The following CORIN variants were observed in gnomAD, a reference collection of about 807,000 sequenced individuals.
The protein encoded by CORIN is corin, serine peptidase.
CORIN carries 117 observed loss-of-function variants against 125.3 expected under a neutral mutation model. That is an observed-to-expected ratio of 0.93 (90% confidence interval 0.80 to 1.09). CORIN has a LOEUF of 1.09. Ranked by LOEUF, CORIN falls within the 50% of genes least tolerant of loss-of-function variation. The pLI, the probability that CORIN is intolerant of heterozygous loss-of-function variation, is 0.00. For synonymous variants in CORIN, 450 were observed against 466.4 expected (o/e 0.96, Z 0.45); for missense variants, 1,253 against 1,306.7 (o/e 0.96, Z 0.63).
chr4:47,683,476 G>A (rs2109720496), intron 7 of CORIN: 1 of 329,088 alleles, frequency 3.0e-6, no homozygotes, highest in African/African-American at 2.2e-5. Flanking sequence ...AACTATTAAT[G>A]CATTAACAAC....
chr4:47,629,352 T>G (rs1382196883), intron 16 of CORIN, among the ~76,000 whole-genome samples: 1 of 152,198 alleles, frequency 6.6e-6, no homozygotes, highest in Non-Finnish European at 1.5e-5. Flanking sequence ...TTTAGAAATG[T>G]CTGTTCAGGT....
rs551799571 is a variant in CORIN, at chr4:47,653,868, C to T, written c.1736-208G>A. Among the ~76,000 whole-genome samples, 10 of 152,346 alleles carry T rather than the reference C, an allele frequency of 6.6e-5. 1 individual carries two copies. In the South Asian group the frequency reaches 1.0e-3, roughly 16 times the overall value. On this transcript the variant is annotated intron_variant, in intron 12 of 21. Coordinates refer to ENST00000273857, the MANE Select transcript of CORIN (RefSeq NM_006587.4). ...TCTTGGCCTCATCCCTCTAGATACG[C>T]GGTTTAACATCTATGTATTCCAATG...
At chr4:47,630,401 A>G (rs1359839951) in intron 16 of CORIN, among the ~76,000 whole-genome samples, 1 of 152,202 alleles carries the variant, frequency 6.6e-6, no homozygotes. Context: ...TTTTGACTTA[A>G]ATAATTGAAA....
Position 47,623,893 on chromosome 4 carries a change from T to C in CORIN, c.2365+6A>G, listed in dbSNP as rs1264753118. On this transcript the variant is annotated splice_donor_region_variant and intron_variant, in intron 18 of 21. Transcript: ENST00000273857. ...TATCCCATTGCCACACCTCTAATTC[T>C]CTCACCTTGTTTAGTACACAGAAGA... The C allele has an allele frequency of 1.2e-6, 2 of 1,613,356 alleles. No homozygotes were observed. Among genetic ancestry groups the C allele is most frequent in the Non-Finnish European group, 1.7e-6 (2 of 1,179,364 alleles).
At chr4:47,774,836 AG>A (rs1212655820) in intron 3 of CORIN, among the ~76,000 whole-genome samples, 2 of 152,228 alleles carry the variant, frequency 1.3e-5, no homozygotes, top group Admixed American at 6.5e-5. Context: ...CATTATGCTA[AG>A]TAAAATAAGC....
At chr4:47,828,119 T>C (rs1245086953) in intron 1 of CORIN, among the ~76,000 whole-genome samples, 3 of 152,192 alleles carry the variant, frequency 2.0e-5, no homozygotes, top group Admixed American at 2.0e-4. Flanking sequence ...AGGATGCCCC[T>C]TACCCAGGCA....
intron 8 of CORIN, among the ~76,000 whole-genome samples, chr4:47,678,841 T>A (rs553945731): frequency 1.3e-5 from 2 of 152,220 alleles, no homozygotes; most frequent in Non-Finnish European, 2.9e-5. Context: ...CTGAGCACCA[T>A]GTCCTTGCTT....
intron 6 of CORIN, among the ~76,000 whole-genome samples, chr4:47,687,824 T>A (rs1725586357): frequency 6.6e-6 from 1 of 152,214 alleles, no homozygotes; most frequent in South Asian, 2.1e-4. Context: ...TCAGCTCATT[T>A]ACAGCAGAAC....
In CORIN at chr4:47,645,167, C is replaced by T. The variant is rs553032365; in HGVS notation, c.1871G>A (p.Cys624Tyr). Residue 624 changes from cysteine to tyrosine, a missense_variant, in exon 14 of 22, where the codon TGT (cysteine) becomes TAT (tyrosine). Coordinates refer to ENST00000273857, the MANE Select transcript of CORIN (RefSeq NM_006587.4). ...CTTCAAACATTGTTTATTGGATGGACATTCCCAAAGATCTCTCTCTTTACA... is the reference window on the plus strand; with the variant it reads ...CTTCAAACATTGTTTATTGGATGGATATTCCCAAAGATCTCTCTCTTTACA... ...CGCKERDLWE[C>Y]PSNKQCLKHT... 1.9e-6 allele frequency: 3 copies of T among 1,610,240 alleles called. No individual in the cohort carries two copies. Among genetic ancestry groups the T allele is most frequent in the African/African-American group, 1.3e-5 (1 of 74,956 alleles).
chr4:47,729,685 A>G (rs1727771582), intron 5 of CORIN, among the ~76,000 whole-genome samples: 1 of 152,186 alleles, frequency 6.6e-6, no homozygotes, highest in African/African-American at 2.4e-5. Context: ...TGGAAGACCC[A>G]CAGCTCTAAG....
chr4:47,835,342 A>G (rs1733337378), intron 1 of CORIN, among the ~76,000 whole-genome samples: 1 of 152,210 alleles, frequency 6.6e-6, no homozygotes, highest in Admixed American at 6.5e-5. Context: ...AGGTAGAAGT[A>G]GCAGGTCAAA....
At chr4:47,645,837 G>C (rs551437538) in intron 13 of CORIN, among the ~76,000 whole-genome samples, 1 of 152,242 alleles carries the variant, frequency 6.6e-6, no homozygotes, top group East Asian at 1.9e-4. Flanking sequence ...AGTAAGCCGA[G>C]ATTGCACAAC....
At chr4:47,781,340 C>A (rs1205194992) in intron 3 of CORIN, among the ~76,000 whole-genome samples, 1 of 152,178 alleles carries the variant, frequency 6.6e-6, no homozygotes, top group Non-Finnish European at 1.5e-5. Context: ...GCAAAAGTGA[C>A]ACACATTTAA....
At chr4:47,801,382 A>G (rs1351969238) in intron 2 of CORIN, among the ~76,000 whole-genome samples, 1 of 152,244 alleles carries the variant, frequency 6.6e-6, no homozygotes, top group Non-Finnish European at 1.5e-5. Context: ...AAGAGGCCTG[A>G]TAGAAGTCTA....
intron 1 of CORIN, chr4:47,837,469 T>C (rs1733498493): frequency 3.6e-6 from 1 of 280,226 alleles, no homozygotes. Context: ...AGGGGCTGGC[T>C]CCGACAGCTC....
chr4:47,631,850 A>G (rs551438705), intron 16 of CORIN, among the ~76,000 whole-genome samples: 71 of 152,318 alleles, frequency 4.7e-4, no homozygotes, highest in African/African-American at 1.7e-3. Context: ...ACAGAGAAGC[A>G]AAAGGATTTG....
At chr4:47,685,369 G>A (rs559089866) in intron 6 of CORIN, among the ~76,000 whole-genome samples, 1 of 152,270 alleles carries the variant, frequency 6.6e-6, no homozygotes, top group Admixed American at 6.5e-5. Context: ...TGACAGTATG[G>A]ATGAACCCCA....
chr4:47,810,776 A>G (rs944792736), intron 1 of CORIN, among the ~76,000 whole-genome samples: 1 of 152,130 alleles, frequency 6.6e-6, no homozygotes. Context: ...AGCCCTCCAT[A>G]GGTGACTCGC....
At chr4:47,726,524 G>T (rs758414079) in intron 5 of CORIN, among the ~76,000 whole-genome samples, 24 of 152,096 alleles carry the variant, frequency 1.6e-4, no homozygotes, top group Non-Finnish European at 1.2e-4. Flanking sequence ...CAGATCAGCA[G>T]TTTCCAGAGG....
Sources: gnomAD v4.1 joint callset for allele counts (sites outside exome capture counted in the v4.1 genomes callset) on GRCh38, gnomAD v4.1.1 for gene constraint, MANE v1.5 for transcripts, NCBI Gene and HGNC (gene_info 2026-07-23, HGNC 2026-07-21) for gene names.